DOCK1: variants seen among roughly 807,000 people sequenced by gnomAD.
DOCK1 encodes dedicator of cytokinesis protein 1.
A neutral mutation model predicts 262.7 loss-of-function variants in DOCK1; 138 were observed. The observed-to-expected ratio is 0.53, with a 90% CI of 0.46 to 0.61. The LOEUF is 0.61. DOCK1 is among the 20% of genes least tolerant of loss of function. The pLI is 0.00. For missense variants in DOCK1, 1,908 were observed against 2,370.7 expected, an observed-to-expected ratio of 0.80 and a Z score of 4.05; for synonymous variants, 866 against 867.4, an observed-to-expected ratio of 1.00 and a Z score of 0.03.
intron 39 of DOCK1, 115 bp downstream of exon 39, chr10:127,403,259 C>A: frequency 1.0e-6 from 1 of 973,498 alleles, no homozygotes; most frequent in Non-Finnish European, 1.5e-6. Flanking sequence ...GGGACCTTGG[C>A]CATGTCCCTC....
intron 30 of DOCK1, among the ~76,000 whole-genome samples, chr10:127,339,625 T>TTGTG (rs754796831): frequency 0.024 from 3,381 of 139,496 alleles, 125 homozygotes; most frequent in African/African-American, 0.082. Context: ...GTGTGTGTGT[T>TTGTG]TGTGTGTGTG....
intron 31 of DOCK1, 149 bp downstream of exon 31, chr10:127,343,895 G>A (rs1262272012): frequency 1.5e-6 from 1 of 683,864 alleles, no homozygotes; most frequent in African/African-American, 1.8e-5. Flanking sequence ...ATCAGGTATT[G>A]CCTTTTCTAA....
At chr10:127,113,625 A>G (rs1241270770) in intron 25 of DOCK1, among the ~76,000 whole-genome samples, 3 of 151,860 alleles carry the variant, frequency 2.0e-5, no homozygotes, top group South Asian at 2.1e-4. Flanking sequence ...TGTTTTCCCC[A>G]TTTCTCTCTC....
chr10:127,118,004 A>G (rs2132974804), intron 25 of DOCK1, among the ~76,000 whole-genome samples: 1 of 152,278 alleles, frequency 6.6e-6, no homozygotes, highest in East Asian at 1.9e-4. Flanking sequence ...CTGCAACACA[A>G]TATAGGGTTT....
chr10:126,910,088 A>G (rs759689610), intron 1 of DOCK1, among the ~76,000 whole-genome samples: 5 of 152,230 alleles, frequency 3.3e-5, no homozygotes, highest in Non-Finnish European at 7.3e-5. Context: ...TTTGTTATCT[A>G]GAGTAGCAAG....
chr10:127,017,079 C>CACAGATACAT (rs796203806), intron 12 of DOCK1, among the ~76,000 whole-genome samples: 1,057 of 58,510 alleles, frequency 0.018, no homozygotes, highest in South Asian at 0.032. Flanking sequence ...ACCATAAACA[C>CACAGATACAT]AGATACACCA....
rs1377075158 is a variant in DOCK1 at position 126,941,533 on chromosome 10, G to A, written c.47-29169G>A. On this transcript the variant is annotated intron_variant, in intron 1 of 51. Transcript: ENST00000623213. ...GCACTGTGGGAGGCCAAGGCGGGCG[G>A]ATCACGAGGTCAGGAGATCGAGACC... is the stretch of plus-strand genomic sequence containing the variant. 3.1e-3 allele frequency among the ~76,000 whole-genome samples: 467 copies of A among 152,266 alleles called. 4 individuals carry two copies. The highest frequency in any genetic ancestry group is 4.2e-3 in the Admixed American group (65 of 15,300).
intron 1 of DOCK1, among the ~76,000 whole-genome samples, chr10:126,954,538 CTT>C (rs2036578679): frequency 6.6e-6 from 1 of 152,252 alleles, no homozygotes; most frequent in Non-Finnish European, 1.5e-5. Flanking sequence ...TGCCAGAACT[CTT>C]TTCTTCTTCC....
chr10:126,964,381 G>A (rs2037502942), intron 1 of DOCK1, among the ~76,000 whole-genome samples: 1 of 152,196 alleles, frequency 6.6e-6, no homozygotes, highest in Non-Finnish European at 1.5e-5. Flanking sequence ...TACCTGCATG[G>A]ACCAGGCAAA....
At chr10:127,201,730 A>G (rs563804937) in intron 27 of DOCK1, among the ~76,000 whole-genome samples, 3 of 152,220 alleles carry the variant, frequency 2.0e-5, no homozygotes, top group African/African-American at 7.2e-5. Flanking sequence ...GCAAACCCCA[A>G]GGCTTTCCCC....
At chr10:127,297,669 A>G (rs1233029587) in intron 29 of DOCK1, among the ~76,000 whole-genome samples, 1 of 152,222 alleles carries the variant, frequency 6.6e-6, no homozygotes, top group Non-Finnish European at 1.5e-5. Context: ...TTACAGTAAT[A>G]CATTTCTTAA....
At chr10:126,962,389 C>T (rs1365764989) in intron 1 of DOCK1, among the ~76,000 whole-genome samples, 3 of 152,228 alleles carry the variant, frequency 2.0e-5, no homozygotes, top group Non-Finnish European at 4.4e-5. Context: ...TAACTCCTGA[C>T]CTCAGGTGAT....
At chr10:127,205,612 T>C (rs759300153) in intron 27 of DOCK1, among the ~76,000 whole-genome samples, 4 of 152,264 alleles carry the variant, frequency 2.6e-5, no homozygotes, top group Non-Finnish European at 5.9e-5. Context: ...ACGTTAGGCC[T>C]GTGTAAAGTT....
rs1361007502 is a variant in DOCK1, at chr10:127,016,771, AACACAG to A, written c.1202-1933_1202-1928del. ...CACTAACACAGATATAAACACCACAAACACAGACACACGCGCACACACACAGATACA... is the reference window on the plus strand; with the variant it reads ...CACTAACACAGATATAAACACCACAAACACACGCGCACACACACAGATACA... On this transcript the variant is annotated intron_variant, in intron 12 of 51. Transcript: ENST00000623213. Among the ~76,000 whole-genome samples, 6 of 150,380 alleles carry A rather than the reference AACACAG, an allele frequency of 4.0e-5. No homozygotes were observed. The South Asian group carries it at 8.4e-4, about 21-fold the overall frequency.
chr10:127,017,337 T>TCA (rs147034815), intron 12 of DOCK1, among the ~76,000 whole-genome samples: 60,715 of 146,218 alleles, frequency 0.42, 12,474 homozygotes, highest in African/African-American at 0.49. Flanking sequence ...ATATATACAC[T>TCA]CACACAGATA....
chr10:127,084,469 T>C (rs1463686349), intron 23 of DOCK1, among the ~76,000 whole-genome samples: 1 of 152,210 alleles, frequency 6.6e-6, no homozygotes, highest in Non-Finnish European at 1.5e-5. Context: ...TTTGGTAGTC[T>C]GCAGGGGAAA....
At chr10:127,188,148 C>T (rs1329773589) in intron 27 of DOCK1, among the ~76,000 whole-genome samples, 2 of 152,126 alleles carry the variant, frequency 1.3e-5, no homozygotes, top group Non-Finnish European at 2.9e-5. Flanking sequence ...TTGGGATGAT[C>T]ACCAGCAGAT....
intron 1 of DOCK1, among the ~76,000 whole-genome samples, chr10:126,957,962 A>C (rs2036881454): frequency 6.6e-6 from 1 of 152,244 alleles, no homozygotes; most frequent in African/African-American, 2.4e-5. Flanking sequence ...GAAGTCAGAC[A>C]TAAAGGAGCA....
At chr10:127,381,228 C>A (rs1384895597) in intron 36 of DOCK1, 50 bp from the exon 37 acceptor site, 2 of 1,521,256 alleles carry the variant, frequency 1.3e-6, no homozygotes, top group South Asian at 2.5e-5. Context: ...ATCCTCAACA[C>A]AAATTATTTA....
Sources: allele counts gnomAD v4.1 joint callset (sites outside exome capture counted in the v4.1 genomes callset), GRCh38; gene constraint gnomAD v4.1.1; transcripts MANE v1.5; gene names NCBI Gene and HGNC (gene_info 2026-07-23, HGNC 2026-07-21).